STRN3: variants seen among roughly 807,000 people sequenced by gnomAD.
The protein encoded by STRN3 is striatin 3.
A neutral mutation model predicts 95.6 loss-of-function variants in STRN3; 29 were observed. That is an observed-to-expected ratio of 0.30 (90% CI 0.23 to 0.41). The LOEUF (loss-of-function observed/expected upper bound fraction) is 0.41, where lower values mean the gene tolerates loss of function less well. Among genes scored for constraint, STRN3 ranks in the 10% least tolerant of loss-of-function variants. The probability of loss-of-function intolerance (pLI) is 1.00; values close to 1 mark genes in which losing one functional copy is unlikely to be tolerated. For synonymous variants in STRN3, 331 were observed against 357.6 expected, an observed-to-expected ratio of 0.93 and a Z score of 0.84; for missense variants, 890 against 972.1, an observed-to-expected ratio of 0.92 and a Z score of 1.12.
intron 16 of STRN3, among the ~76,000 whole-genome samples, chr14:30,900,733 G>A (rs1896290408): frequency 7.2e-6 from 1 of 139,756 alleles, no homozygotes; most frequent in South Asian, 2.3e-4. Flanking sequence ...CTGGGCAACA[G>A]AGCAAGACTG....
At chr14:30,964,851 G>A (rs2139173507) in intron 1 of STRN3, among the ~76,000 whole-genome samples, 1 of 151,766 alleles carries the variant, frequency 6.6e-6, no homozygotes, top group Middle Eastern at 3.4e-3. Context: ...ACTCGGAGGT[G>A]AAGGTTGCAG....
chr14:30,979,706 TCTC>T (rs1316120962), intron 1 of STRN3, among the ~76,000 whole-genome samples: 1 of 151,962 alleles, frequency 6.6e-6, no homozygotes, highest in Non-Finnish European at 1.5e-5. Context: ...TTCAAGCAAT[TCTC>T]CTGCCTCAGC....
At chr14:30,986,167 A>T (rs765281120) in intron 1 of STRN3, among the ~76,000 whole-genome samples, 1 of 152,224 alleles carries the variant, frequency 6.6e-6, no homozygotes, top group Non-Finnish European at 1.5e-5. Context: ...GAAAACATGT[A>T]TAAGGCTTCA....
intron 5 of STRN3, among the ~76,000 whole-genome samples, chr14:30,938,354 CTTAATAT>C (rs1372158312): frequency 6.6e-6 from 1 of 152,014 alleles, no homozygotes; most frequent in Non-Finnish European, 1.5e-5. Flanking sequence ...TACAATATAA[CTTAATAT>C]TTGGAGAGTA....
chr14:31,018,735 G>T, intron 1 of STRN3: 1 of 467,420 alleles, frequency 2.1e-6, no homozygotes, highest in East Asian at 5.8e-5. Flanking sequence ...GCGAAGATGA[G>T]GGCCATGGTG....
chr14:30,954,083 GGTCA>G (rs1879786060), intron 3 of STRN3, among the ~76,000 whole-genome samples: 1 of 152,046 alleles, frequency 6.6e-6, no homozygotes, highest in Non-Finnish European at 1.5e-5. Flanking sequence ...TAGCCATTCT[GGTCA>G]GTGTCTAATT....
chr14:31,024,644 A>G (rs907302331), intron 1 of STRN3, among the ~76,000 whole-genome samples: 3 of 152,190 alleles, frequency 2.0e-5, no homozygotes, highest in African/African-American at 7.2e-5. Flanking sequence ...ACTAGTTCAG[A>G]ACCAAACTAA....
intron 16 of STRN3, among the ~76,000 whole-genome samples, chr14:30,900,081 G>A (rs1395243205): frequency 1.3e-5 from 2 of 152,154 alleles, no homozygotes; most frequent in African/African-American, 2.4e-5. Context: ...ATCCAGGCCG[G>A]GCGCAGTGGC....
intron 8 of STRN3, among the ~76,000 whole-genome samples, chr14:30,923,981 C>A (rs1566437920): frequency 1.3e-5 from 2 of 151,640 alleles, no homozygotes; most frequent in Non-Finnish European, 2.9e-5. Flanking sequence ...ATGCTACCAG[C>A]CCAAAATTTT....
At chr14:30,978,753 C>G (rs1881238182) in intron 1 of STRN3, among the ~76,000 whole-genome samples, 2 of 152,102 alleles carry the variant, frequency 1.3e-5, no homozygotes, top group African/African-American at 4.8e-5. Context: ...AATTATAAAG[C>G]TAGGTGCGGT....
intron 1 of STRN3, among the ~76,000 whole-genome samples, chr14:31,004,479 A>G (rs575206077): frequency 1.3e-5 from 2 of 152,180 alleles, no homozygotes; most frequent in South Asian, 4.1e-4. Context: ...ATACATAAGA[A>G]TTTAAAAAAA....
chr14:30,919,435 A>G lies in STRN3; in HGVS notation c.1100-329T>C, dbSNP rs896986535. 6.6e-5 allele frequency among the ~76,000 whole-genome samples: 10 copies of G among 152,092 alleles called. 1 individual carries two copies. The highest frequency in any genetic ancestry group is 4.1e-4 in the South Asian group (2 of 4,824). Reference sequence around the variant, plus strand: ...TAAAGTTCTGTAAGCTCACAGACACAGAAGGTATCATTAAAACAAAGGAAA... The same window carrying G: ...TAAAGTTCTGTAAGCTCACAGACACGGAAGGTATCATTAAAACAAAGGAAA... On this transcript the variant is annotated intron_variant, in intron 8 of 17. Coordinates refer to ENST00000357479, the MANE Select transcript of STRN3 (RefSeq NM_001083893.2).
rs1270313592 is a variant in STRN3 at position 30,979,694 on chromosome 14, G to A, written c.283-23452C>T. Among the ~76,000 whole-genome samples, 5 of 151,982 alleles carry A rather than the reference G, an allele frequency of 3.3e-5. 1 individual carries two copies. The highest frequency in any genetic ancestry group is 1.3e-4 in the Admixed American group (2 of 15,240). ...GGCTCACTGAAACCTCCGCCTCCTG[G>A]GTTCAAGCAATTCTCCTGCCTCAGC... On this transcript the variant is annotated intron_variant, in intron 1 of 17. Coordinates refer to ENST00000357479, the MANE Select transcript of STRN3 (RefSeq NM_001083893.2).
chr14:30,905,281 A>T, intron 15 of STRN3, 137 bp downstream of exon 15: 1 of 944,324 alleles, frequency 1.1e-6, no homozygotes, highest in Non-Finnish European at 1.5e-6. Flanking sequence ...ATAAATAAGT[A>T]TAACTGTAAC....
At chr14:30,929,736 G>A (rs1878387120) in intron 7 of STRN3, among the ~76,000 whole-genome samples, 1 of 151,898 alleles carries the variant, frequency 6.6e-6, no homozygotes, top group Non-Finnish European at 1.5e-5. Context: ...CTGTTTCATT[G>A]ATGAAAATAT....
intron 9 of STRN3, among the ~76,000 whole-genome samples, chr14:30,918,720 T>A (rs532607188): frequency 1.3e-5 from 2 of 152,134 alleles, no homozygotes; most frequent in Non-Finnish European, 2.9e-5. Flanking sequence ...AAGAAAAGAC[T>A]CTGAATTCAC....
chr14:30,900,114 T>C (rs911533156), intron 16 of STRN3, among the ~76,000 whole-genome samples: 2 of 152,168 alleles, frequency 1.3e-5, no homozygotes, highest in East Asian at 1.9e-4. Context: ...TCCCAGCACT[T>C]TGGGAGGCCA....
chr14:30,997,839 T>C (rs1882274744), intron 1 of STRN3, among the ~76,000 whole-genome samples: 1 of 152,116 alleles, frequency 6.6e-6, no homozygotes, highest in East Asian at 1.9e-4. Flanking sequence ...AAAGGCAGAG[T>C]GGAGACCTCT....
intron 3 of STRN3, among the ~76,000 whole-genome samples, chr14:30,952,559 G>T (rs1879698738): frequency 6.6e-6 from 1 of 151,900 alleles, no homozygotes; most frequent in African/African-American, 2.4e-5. Context: ...AATTAGCCAG[G>T]CATGGTGGCA....
Sources: gnomAD v4.1 joint callset for allele counts (sites outside exome capture counted in the v4.1 genomes callset) on GRCh38, gnomAD v4.1.1 for gene constraint, MANE v1.5 for transcripts, NCBI Gene and HGNC (gene_info 2026-07-23, HGNC 2026-07-21) for gene names.